The following PDXDC1 variants were observed in gnomAD, a reference collection of about 807,000 sequenced individuals.
The protein encoded by PDXDC1 is pyridoxal-dependent decarboxylase domain-containing protein 1.
In PDXDC1, 42 loss-of-function variants were observed where a neutral mutation model predicts 100.1. The observed-to-expected ratio is 0.42, with a 90% CI of 0.33 to 0.54. The LOEUF (loss-of-function observed/expected upper bound fraction) is 0.54, where lower values mean the gene tolerates loss of function less well. PDXDC1 is among the 20% of genes least tolerant of loss of function. The probability of loss-of-function intolerance (pLI) is 0.10; values close to 1 mark genes in which losing one functional copy is unlikely to be tolerated. For synonymous variants in PDXDC1, 260 were observed against 371.7 expected (o/e 0.70, Z 3.46); for missense variants, 636 against 979.2 (o/e 0.65, Z 4.68).
chr16:15,066,360 C>T (rs555578396), intron 16 of PDXDC1, among the ~76,000 whole-genome samples: 12 of 152,232 alleles, frequency 7.9e-5, no homozygotes, highest in East Asian at 1.9e-4. Flanking sequence ...CGGCTGGGCA[C>T]GGTGGCTCAC....
intron 16 of PDXDC1, chr16:15,130,742 G>A (rs1234124906): frequency 1.4e-6 from 2 of 1,408,950 alleles, no homozygotes. Context: ...GGGGCTCCGA[G>A]TGCAGGTAGA....
chr16:15,072,723 G>T (rs1443494768), intron 16 of PDXDC1, among the ~76,000 whole-genome samples: 2 of 152,166 alleles, frequency 1.3e-5, no homozygotes, highest in Non-Finnish European at 2.9e-5. Flanking sequence ...TTGAGCCCAA[G>T]AGGTGGAGGT....
chr16:15,063,263 G>T, intron 16 of PDXDC1: 1 of 1,612,932 alleles, frequency 6.2e-7, no homozygotes, highest in Middle Eastern at 1.7e-4. Context: ...CTGATAAATA[G>T]GATCAATGAA....
rs139762686 is a variant in PDXDC1, at chr16:15,074,832, T to C, written c.1399+44776T>C. Reference sequence around the variant, plus strand: ...GGTCGAGCCGTTCAGGACCAGCCTTTGTTTCATGTTCAGTTTCTTCATCTT... The same window carrying C: ...GGTCGAGCCGTTCAGGACCAGCCTTCGTTTCATGTTCAGTTTCTTCATCTT... On this transcript the variant is annotated intron_variant, in intron 16 of 16. Coordinates refer to the PDXDC1 transcript ENST00000535621. The C allele has an allele frequency of 3.8e-5, 61 of 1,612,314 alleles. No homozygotes were observed. In the African/African-American group the frequency reaches 7.5e-4, roughly 20 times the overall value.
rs181323318 is a variant in PDXDC1 at position 15,049,769 on chromosome 16, A to G, written c.1399+19713A>G. ...GCAAAAAGCTGGGAGCAGCAATGGA[A>G]AAGGTAAGTAAATTGGGCACAGAAC... On this transcript the variant is annotated intron_variant, in intron 16 of 16. Transcript: ENST00000535621. 2.0e-4 allele frequency among the ~76,000 whole-genome samples: 31 copies of G among 152,326 alleles called. No homozygotes were observed. The East Asian group carries it at 6.0e-3, about 29-fold the overall frequency.
chr16:15,041,778 G>C (rs1165421864), downstream of PDXDC1: 8 of 841,686 alleles, frequency 9.5e-6, no homozygotes, highest in Non-Finnish European at 1.6e-5. Flanking sequence ...AGCCAACTGA[G>C]TGTGCTCCGC....
At chr16:15,070,968 C>T (rs2045199667) in intron 16 of PDXDC1, among the ~76,000 whole-genome samples, 1 of 152,106 alleles carries the variant, frequency 6.6e-6, no homozygotes, top group African/African-American at 2.4e-5. Flanking sequence ...TCTAAAATCA[C>T]CACTTAGAAA....
At chr16:15,050,330 G>A (rs776027055) in intron 16 of PDXDC1, among the ~76,000 whole-genome samples, 6 of 152,150 alleles carry the variant, frequency 3.9e-5, no homozygotes, top group Non-Finnish European at 8.8e-5. Context: ...TCTAGACAAC[G>A]TATGTATGTA....
At chr16:15,031,253 C>G (rs1387114042) in intron 16 of PDXDC1, among the ~76,000 whole-genome samples, 1 of 151,686 alleles carries the variant, frequency 6.6e-6, no homozygotes, top group Admixed American at 6.6e-5. Context: ...CTGGCCACAG[C>G]TCTAGATACT....
intron 16 of PDXDC1, among the ~76,000 whole-genome samples, chr16:15,099,351 C>A (rs1418760322): frequency 7.4e-6 from 1 of 134,462 alleles, no homozygotes; most frequent in Non-Finnish European, 1.5e-5. Context: ...ACCCAGGAGG[C>A]AGAGGTTGCA....
At chr16:14,985,815 G>A (rs1200161347) in intron 1 of PDXDC1, among the ~76,000 whole-genome samples, 2 of 152,284 alleles carry the variant, frequency 1.3e-5, no homozygotes, top group East Asian at 1.9e-4. Flanking sequence ...AACGATTCTT[G>A]GCCAGGCACT....
intron 16 of PDXDC1, chr16:15,137,701 C>G: frequency 8.8e-7 from 1 of 1,130,280 alleles, no homozygotes. Flanking sequence ...CTGCAGGGCC[C>G]AGGTCCCACC....
chr16:15,104,482 G>T lies in PDXDC1; in HGVS notation c.1400-34397G>T, dbSNP rs139442985. The T allele has an allele frequency of 4.7e-6, 6 of 1,265,996 alleles. 1 individual carries two copies. The South Asian group carries it at 8.9e-5, about 19-fold the overall frequency. The allele number at this position is 1,265,996 out of a possible 1,614,324, so 78.4% of individuals were successfully genotyped here. The stretch of plus-strand genomic sequence containing the variant: ...GAGTGAGCAGACACACTCGGGAGGT[G>T]TCTTGAGATTATCATCCGCTGAGGG... On this transcript the variant is annotated intron_variant, in intron 16 of 16. Coordinates refer to the PDXDC1 transcript ENST00000535621.
intron 16 of PDXDC1, among the ~76,000 whole-genome samples, chr16:15,051,344 G>A (rs2044282598): frequency 6.6e-6 from 1 of 152,206 alleles, no homozygotes; most frequent in Non-Finnish European, 1.5e-5. Flanking sequence ...ACAGTAGACT[G>A]CTTTGCTCTA....
At chr16:15,090,903 T>A (rs1474702919) in intron 16 of PDXDC1, among the ~76,000 whole-genome samples, 2 of 151,174 alleles carry the variant, frequency 1.3e-5, no homozygotes, top group Non-Finnish European at 2.9e-5. Context: ...TTGTTTTAGC[T>A]TTAAAGAGAC....
chr16:15,142,838 G>C (rs2048496227), downstream of PDXDC1, among the ~76,000 whole-genome samples: 1 of 151,916 alleles, frequency 6.6e-6, no homozygotes, highest in African/African-American at 2.4e-5. Context: ...TGCAAGGATG[G>C]GGGACACAGC....
intron 16 of PDXDC1, among the ~76,000 whole-genome samples, chr16:15,077,363 G>A (rs1355258093): frequency 6.6e-6 from 1 of 152,012 alleles, no homozygotes; most frequent in African/African-American, 2.4e-5. Context: ...TGAATCATAG[G>A]GTAGGTTTCC....
chr16:15,041,520 G>T (rs984712259), downstream of PDXDC1: 3 of 816,612 alleles, frequency 3.7e-6, no homozygotes, highest in African/African-American at 1.7e-5. Flanking sequence ...TGGTGGCCAA[G>T]CAGTGACAGC....
At chr16:15,104,666 G>A (rs1364204288) in intron 16 of PDXDC1, 2 of 1,597,700 alleles carry the variant, frequency 1.3e-6, no homozygotes, top group South Asian at 2.2e-5. Context: ...GAGGTGGCTG[G>A]TGGCCCATCC....
Sources: allele counts gnomAD v4.1 joint callset (sites outside exome capture counted in the v4.1 genomes callset), GRCh38; gene constraint gnomAD v4.1.1; transcripts MANE v1.5; gene names NCBI Gene and HGNC (gene_info 2026-07-23, HGNC 2026-07-21).